The following OSBPL8 variants were observed in gnomAD, a reference collection of about 807,000 sequenced individuals.
OSBPL8 encodes the protein oxysterol-binding protein-related protein 8.
OSBPL8 carries 59 observed loss-of-function variants against 125.5 expected under a neutral mutation model. That is an observed-to-expected ratio of 0.47 (90% CI 0.38 to 0.58). OSBPL8 has a LOEUF of 0.58. Ranked by LOEUF, OSBPL8 falls within the 20% of genes least tolerant of loss-of-function variation. The pLI is 0.00. For missense variants in OSBPL8, 758 were observed against 1,047.8 expected (o/e 0.72, Z 3.82); for synonymous variants, 330 against 338.9 (o/e 0.97, Z 0.29).
chr12:76,421,612 A>C (rs1376771151), intron 4 of OSBPL8, among the ~76,000 whole-genome samples: 1 of 152,138 alleles, frequency 6.6e-6, no homozygotes, highest in Non-Finnish European at 1.5e-5. Context: ...TTAATTCAAC[A>C]AAATCTAAGT....
intron 1 of OSBPL8, among the ~76,000 whole-genome samples, chr12:76,518,466 C>T (rs1881764318): frequency 6.6e-6 from 1 of 152,164 alleles, no homozygotes; most frequent in Admixed American, 6.5e-5. Flanking sequence ...AGTAGATCTA[C>T]CATTCTGGGG....
chr12:76,538,499 G>A (rs939296622), intron 1 of OSBPL8, among the ~76,000 whole-genome samples: 1 of 152,086 alleles, frequency 6.6e-6, no homozygotes, highest in Non-Finnish European at 1.5e-5. Context: ...TTTAAATGAG[G>A]ATTATGAAAT....
chr12:76,532,568 G>A (rs547514628), intron 1 of OSBPL8, among the ~76,000 whole-genome samples: 36 of 152,042 alleles, frequency 2.4e-4, no homozygotes, highest in Non-Finnish European at 4.4e-4. Flanking sequence ...TAGAAACTAC[G>A]GCAGTATTGG....
At chr12:76,401,105 A>G (rs1040702256) in intron 6 of OSBPL8, among the ~76,000 whole-genome samples, 2 of 152,046 alleles carry the variant, frequency 1.3e-5, no homozygotes, top group Non-Finnish European at 2.9e-5. Flanking sequence ...TTTTAATTAC[A>G]CAATGCATAA....
At chr12:76,440,212 T>C (rs1029638082) in intron 4 of OSBPL8, among the ~76,000 whole-genome samples, 2 of 152,160 alleles carry the variant, frequency 1.3e-5, no homozygotes, top group African/African-American at 4.8e-5. Flanking sequence ...CTGCAACTGA[T>C]AGTTCCAACT....
At chr12:76,391,678 G>A (rs1953564361) in intron 10 of OSBPL8, among the ~76,000 whole-genome samples, 1 of 152,128 alleles carries the variant, frequency 6.6e-6, no homozygotes, top group Non-Finnish European at 1.5e-5. Flanking sequence ...CTGGAAGATG[G>A]CTTGAGCCCA....
chr12:76,498,792 TC>T (rs1879560205), intron 1 of OSBPL8, among the ~76,000 whole-genome samples: 2 of 141,908 alleles, frequency 1.4e-5, no homozygotes, highest in South Asian at 4.8e-4. Context: ...CCATCACATC[TC>T]CCTGCAGCCT....
chr12:76,417,454 T>C (rs564901130), intron 4 of OSBPL8, among the ~76,000 whole-genome samples: 2 of 152,342 alleles, frequency 1.3e-5, no homozygotes, highest in South Asian at 4.1e-4. Flanking sequence ...TAAAGACTTT[T>C]TATCCTATTT....
intron 1 of OSBPL8, among the ~76,000 whole-genome samples, chr12:76,532,792 G>T (rs1950383983): frequency 6.6e-6 from 1 of 151,670 alleles, no homozygotes; most frequent in Admixed American, 6.6e-5. Context: ...CAAGCAGAGT[G>T]ATCACGTGAA....
chr12:76,367,201 C>T (rs1952449532), intron 21 of OSBPL8, among the ~76,000 whole-genome samples: 1 of 149,246 alleles, frequency 6.7e-6, no homozygotes, highest in African/African-American at 2.5e-5. Context: ...TGTCAGTTTG[C>T]TTTGTATATT....
At chr12:76,547,795 T>C (rs1203272387) in intron 1 of OSBPL8, among the ~76,000 whole-genome samples, 1 of 152,138 alleles carries the variant, frequency 6.6e-6, no homozygotes, top group East Asian at 1.9e-4. Context: ...TTCTAAACAG[T>C]TTCATTCAGT....
At chr12:76,414,809 G>A (rs988716176) in intron 4 of OSBPL8, among the ~76,000 whole-genome samples, 1 of 152,042 alleles carries the variant, frequency 6.6e-6, no homozygotes, top group African/African-American at 2.4e-5. Context: ...TTTTCTAAGA[G>A]TTAACAAAAC....
At chr12:76,358,601 A>C in intron 22 of OSBPL8, 105 bp downstream of exon 22, 1 of 1,000,154 alleles carries the variant, frequency 1.0e-6, no homozygotes, top group Non-Finnish European at 1.5e-6. Flanking sequence ...CCCTGCCCCG[A>C]CCAAAACTCA....
chr12:76,476,754 T>C (rs1404138887), intron 2 of OSBPL8, among the ~76,000 whole-genome samples: 1 of 152,140 alleles, frequency 6.6e-6, no homozygotes, highest in Non-Finnish European at 1.5e-5. Flanking sequence ...CTACACAGAA[T>C]GAATACCTTT....
intron 1 of OSBPL8, among the ~76,000 whole-genome samples, chr12:76,553,009 C>G (rs1360202744): frequency 6.6e-6 from 1 of 152,138 alleles, no homozygotes; most frequent in South Asian, 2.1e-4. Flanking sequence ...CATAACAATG[C>G]ACAAAATTAC....
chr12:76,542,533 T>A (rs1292778977), intron 1 of OSBPL8, among the ~76,000 whole-genome samples: 2 of 152,192 alleles, frequency 1.3e-5, no homozygotes, highest in African/African-American at 2.4e-5. Context: ...AAGTGTCTGA[T>A]TCTACAGGTC....
intron 2 of OSBPL8, chr12:76,486,150 T>G (rs1011711822): frequency 3.4e-5 from 12 of 347,926 alleles, no homozygotes; most frequent in African/African-American, 2.1e-4. Context: ...TTTTTGATCA[T>G]TTAAGAACCC....
intron 2 of OSBPL8, among the ~76,000 whole-genome samples, chr12:76,465,110 T>C (rs1353149078): frequency 6.6e-6 from 1 of 152,188 alleles, no homozygotes. Flanking sequence ...GGAGAGATTT[T>C]AAAGGAGTAT....
chr12:76,503,196 G>A (rs973361840), intron 1 of OSBPL8, among the ~76,000 whole-genome samples: 7 of 152,202 alleles, frequency 4.6e-5, no homozygotes, highest in Admixed American at 6.5e-5. Context: ...ACTGGGGGTA[G>A]CTTAAACAAC....
Sources: gnomAD v4.1 joint callset for allele counts (sites outside exome capture counted in the v4.1 genomes callset) on GRCh38, gnomAD v4.1.1 for gene constraint, MANE v1.5 for transcripts, NCBI Gene and HGNC (gene_info 2026-07-23, HGNC 2026-07-21) for gene names.